PPP4R2: variants seen among roughly 807,000 people sequenced by gnomAD.
PPP4R2 encodes serine/threonine-protein phosphatase 4 regulatory subunit 2.
PPP4R2 carries 13 observed loss-of-function variants against 47.2 expected under a neutral mutation model. That is an observed-to-expected ratio of 0.28 (90% confidence interval 0.18 to 0.44). The LOEUF is 0.44. Ranked by LOEUF, PPP4R2 falls within the 20% of genes least tolerant of loss-of-function variation. PPP4R2 has a pLI of 1.00. For missense variants in PPP4R2, 421 were observed against 491.2 expected (o/e 0.86, Z 1.35); for synonymous variants, 151 against 163.3 (o/e 0.92, Z 0.57).
At chr3:73,031,886 T>TA (rs1393438845) in intron 2 of PPP4R2, among the ~76,000 whole-genome samples, 1 of 152,236 alleles carries the variant, frequency 6.6e-6, no homozygotes. Flanking sequence ...ATTGGGTGCT[T>TA]ACTAGGTGTC....
intron 2 of PPP4R2, among the ~76,000 whole-genome samples, chr3:73,002,777 G>C (rs1196273659): frequency 6.6e-6 from 1 of 151,390 alleles, no homozygotes; most frequent in South Asian, 2.1e-4. Context: ...GAGTAGCTGG[G>C]ATTACAGGCA....
chr3:73,051,589 C>G (rs1017188146), intron 3 of PPP4R2, among the ~76,000 whole-genome samples: 2 of 152,152 alleles, frequency 1.3e-5, no homozygotes, highest in Non-Finnish European at 2.9e-5. Context: ...TATCCGCTTT[C>G]TAAAATTATT....
chr3:73,050,402 A>T (rs776227784), intron 3 of PPP4R2, among the ~76,000 whole-genome samples: 6 of 151,476 alleles, frequency 4.0e-5, no homozygotes, highest in Middle Eastern at 3.2e-3. Flanking sequence ...CTGTATTTTA[A>T]TATATTGGTA....
chr3:73,027,231 C>T (rs1418266551), intron 2 of PPP4R2, among the ~76,000 whole-genome samples: 1 of 152,150 alleles, frequency 6.6e-6, no homozygotes, highest in Non-Finnish European at 1.5e-5. Flanking sequence ...GGTTGAAGCT[C>T]TTCCCCTGCC....
At chr3:73,005,322 G>A (rs1178140574) in intron 2 of PPP4R2, among the ~76,000 whole-genome samples, 3 of 140,928 alleles carry the variant, frequency 2.1e-5, no homozygotes, top group Non-Finnish European at 4.6e-5. Flanking sequence ...ATTGTACTCA[G>A]GTATATGGTG....
intron 2 of PPP4R2, among the ~76,000 whole-genome samples, chr3:73,021,309 C>T (rs1701956054): frequency 1.3e-5 from 2 of 151,312 alleles, no homozygotes; most frequent in Non-Finnish European, 2.9e-5. Context: ...TCACTACTCA[C>T]TGTAGCCTCA....
intron 2 of PPP4R2, among the ~76,000 whole-genome samples, chr3:73,009,296 TAATA>T (rs1701676231): frequency 6.6e-6 from 1 of 152,196 alleles, no homozygotes. Flanking sequence ...TGTCTGATAA[TAATA>T]TGAGATGTTA....
rs191254627 is a variant in PPP4R2 at position 73,035,682 on chromosome 3, T to C, written c.117-11504T>C. Among the ~76,000 whole-genome samples, 332 of 152,188 alleles carry C rather than the reference T, an allele frequency of 2.2e-3. 1 individual carries two copies. Among genetic ancestry groups the C allele is most frequent in the Non-Finnish European group, 4.0e-3 (270 of 67,994 alleles). On this transcript the variant is annotated intron_variant, in intron 2 of 8. Transcript: ENST00000356692. ...CTCTGTTGCCCAGGCTGGAGTGCAGTGGCACAATCTCGGCTCACTGCAACC... is the reference window on the plus strand; with the variant it reads ...CTCTGTTGCCCAGGCTGGAGTGCAGCGGCACAATCTCGGCTCACTGCAACC...
At chr3:72,997,393 T>C (rs9310254) in intron 1 of PPP4R2, 124,934 of 253,542 alleles carry the variant, frequency 0.49, 33,477 homozygotes, top group African/African-American at 0.62. Flanking sequence ...AGATATCCTC[T>C]TTTCTCCACC....
At position 73,050,288 on chromosome 3, in the gene PPP4R2, A is replaced by G. The variant is rs530376203; in HGVS notation, c.287+2932A>G. The stretch of plus-strand genomic sequence containing the variant: ...CCCGAACTTACATTTTTTAAATTTG[A>G]TTTTTCAGTTTATGAATCACTTTCT... On this transcript the variant is annotated intron_variant, in intron 3 of 8. Transcript: ENST00000356692. Among the ~76,000 whole-genome samples, 30 of 151,978 alleles carry G rather than the reference A, an allele frequency of 2.0e-4. 1 individual carries two copies. The South Asian group carries it at 6.2e-3, about 32-fold the overall frequency.
At chr3:73,032,401 GCCTCAGCCT>G in intron 2 of PPP4R2, among the ~76,000 whole-genome samples, 1 of 52,532 alleles carries the variant, frequency 1.9e-5, no homozygotes, top group East Asian at 2.3e-4. Flanking sequence ...CGATTCTCCT[GCCTCAGCCT>G]CCTGAGTAGC....
intron 2 of PPP4R2, among the ~76,000 whole-genome samples, chr3:73,037,503 G>C (rs1240591481): frequency 6.6e-6 from 1 of 152,146 alleles, no homozygotes; most frequent in Non-Finnish European, 1.5e-5. Context: ...GCAATGACTA[G>C]AGACTTTTTT....
At chr3:73,050,167 G>A (rs990131819) in intron 3 of PPP4R2, among the ~76,000 whole-genome samples, 1 of 152,060 alleles carries the variant, frequency 6.6e-6, no homozygotes, top group African/African-American at 2.4e-5. Flanking sequence ...GTTTTACCAT[G>A]TTGGCCAGGC....
In PPP4R2 at chr3:72,997,179, G is replaced by T. The variant is rs142930174; in HGVS notation, c.34+108G>T. On this transcript the variant is annotated intron_variant, in intron 1 of 8. Coordinates refer to ENST00000356692, the MANE Select transcript of PPP4R2 (RefSeq NM_174907.4). ...ACCGGGGCCGGGCGCGGCGTGGGGA[G>T]AGTGCTTCCCGGGCTCCCATCCCCC... 558 of 905,500 alleles carry T rather than the reference G, an allele frequency of 6.2e-4. 2 individuals are homozygous for T. In the African/African-American group the frequency reaches 7.3e-3, roughly 12 times the overall value. The allele number at this position is 905,500 out of a possible 1,614,324, so 56.1% of individuals were successfully genotyped here.
chr3:73,031,156 C>T (rs2107276154), intron 2 of PPP4R2, among the ~76,000 whole-genome samples: 1 of 152,258 alleles, frequency 6.6e-6, no homozygotes, highest in Admixed American at 6.5e-5. Context: ...TGTCTTTTAG[C>T]TCATCAAGAA....
chr3:73,039,537 CAG>C (rs1373330620), intron 2 of PPP4R2, among the ~76,000 whole-genome samples: 3 of 152,076 alleles, frequency 2.0e-5, no homozygotes, highest in African/African-American at 7.2e-5. Context: ...AAGCAAAAGA[CAG>C]ATAATTTTAG....
At chr3:73,009,700 C>G (rs1218679814) in intron 2 of PPP4R2, among the ~76,000 whole-genome samples, 2 of 152,122 alleles carry the variant, frequency 1.3e-5, no homozygotes, top group African/African-American at 4.8e-5. Flanking sequence ...GGTCTTTTCC[C>G]TTTTTGATGT....
intron 1 of PPP4R2, chr3:72,997,329 C>G (rs1387185999): frequency 7.8e-6 from 3 of 383,930 alleles, no homozygotes; most frequent in Non-Finnish European, 1.4e-5. Flanking sequence ...GGGCCCCAGT[C>G]TTTCTCCCAC....
At chr3:73,032,285 A>AT (rs1702180045) in intron 2 of PPP4R2, among the ~76,000 whole-genome samples, 1 of 146,564 alleles carries the variant, frequency 6.8e-6, no homozygotes, top group South Asian at 2.4e-4. Context: ...CTTTAAAATT[A>AT]TTTCTTTTTT....
Sources: gnomAD v4.1 joint callset for allele counts (sites outside exome capture counted in the v4.1 genomes callset) on GRCh38, gnomAD v4.1.1 for gene constraint, MANE v1.5 for transcripts, NCBI Gene and HGNC (gene_info 2026-07-23, HGNC 2026-07-21) for gene names.